Variants in PTPRN2 observed in about 807,000 individuals in gnomAD.
PTPRN2 encodes protein tyrosine phosphatase receptor type N2.
Under a neutral mutation model 118.8 loss-of-function variants are expected in PTPRN2, and 74 were observed. The ratio of observed to expected loss-of-function variants is 0.62; its 90% CI spans 0.52 to 0.76. PTPRN2 has a LOEUF of 0.76. Ranked by LOEUF, PTPRN2 falls within the 30% of genes least tolerant of loss-of-function variation. The pLI is 0.00. For missense variants in PTPRN2, 1,481 were observed against 1,394.4 expected, an observed-to-expected ratio of 1.06 and a Z score of -0.99; for synonymous variants, 641 against 608.0, an observed-to-expected ratio of 1.05 and a Z score of -0.80.
intron 3 of PTPRN2, among the ~76,000 whole-genome samples, chr7:158,238,410 A>C (rs1475008273): frequency 6.6e-6 from 1 of 152,126 alleles, no homozygotes; most frequent in African/African-American, 2.4e-5. Context: ...CGCGGGGCAC[A>C]GGAAGGAAGG....
intron 12 of PTPRN2, among the ~76,000 whole-genome samples, chr7:157,738,533 T>A (rs1441680074): frequency 6.6e-6 from 1 of 152,252 alleles, no homozygotes; most frequent in Non-Finnish European, 1.5e-5. Flanking sequence ...CCGGGTTGTT[T>A]GTGGTGCAGC....
intron 2 of PTPRN2, among the ~76,000 whole-genome samples, chr7:158,375,243 C>T (rs1488774223): frequency 6.6e-6 from 1 of 152,228 alleles, no homozygotes; most frequent in Non-Finnish European, 1.5e-5. Context: ...GGCAAGTGCC[C>T]ACAGGGCATC....
rs188737543 is a variant in PTPRN2, at chr7:158,109,957, C to T, written c.1643+872G>A. ...TCTGTGGGAGCCAGTGAGTGAATGA[C>T]GTCACCTGTGTGAAGAGTCACTGAG... On this transcript the variant is annotated intron_variant, in intron 10 of 22. Coordinates refer to ENST00000389418, the MANE Select transcript of PTPRN2 (RefSeq NM_002847.5). Among the ~76,000 whole-genome samples, 1,251 of 151,986 alleles carry T rather than the reference C, an allele frequency of 8.2e-3. 50 individuals carry two copies. Among genetic ancestry groups the T allele is most frequent in the Admixed American group, 0.057 (869 of 15,282 alleles).
intron 9 of PTPRN2, among the ~76,000 whole-genome samples, chr7:158,132,898 T>C (rs1278286542): frequency 6.6e-6 from 1 of 152,128 alleles, no homozygotes; most frequent in Non-Finnish European, 1.5e-5. Flanking sequence ...AACGTGTGGG[T>C]GTGTGTACAT....
chr7:158,269,584 G>A (rs909992804), intron 3 of PTPRN2, among the ~76,000 whole-genome samples: 3 of 152,198 alleles, frequency 2.0e-5, no homozygotes, highest in African/African-American at 7.2e-5. Context: ...GTGGGTAAAG[G>A]ATGCTTCAAG....
At chr7:157,700,244 T>G (rs1440220452) in intron 12 of PTPRN2, among the ~76,000 whole-genome samples, 2 of 152,176 alleles carry the variant, frequency 1.3e-5, no homozygotes, top group Non-Finnish European at 2.9e-5. Context: ...GAAACAAATC[T>G]GAAATATCAC....
chr7:157,941,640 G>A (rs954993633), intron 11 of PTPRN2, among the ~76,000 whole-genome samples: 3 of 152,204 alleles, frequency 2.0e-5, no homozygotes, highest in Admixed American at 6.5e-5. Flanking sequence ...AGGGACATAC[G>A]TCCATGCATG....
intron 2 of PTPRN2, among the ~76,000 whole-genome samples, chr7:158,444,473 C>T (rs1047871796): frequency 5.3e-5 from 8 of 152,224 alleles, no homozygotes; most frequent in Admixed American, 4.6e-4. Context: ...ATAAACCTGA[C>T]GCTGCCCTCC....
chr7:157,813,705 T>C lies in PTPRN2; in HGVS notation c.1788+84968A>G, dbSNP rs1806200718. 6.6e-6 allele frequency among the ~76,000 whole-genome samples: 1 copy of C among 151,900 alleles called. No homozygotes were observed. Among genetic ancestry groups the C allele is most frequent in the Admixed American group, 6.6e-5 (1 of 15,266 alleles). On this transcript the variant is annotated intron_variant, in intron 12 of 22. Transcript: ENST00000389418. The surrounding 1 kb of genome is among the most constrained non-coding windows in gnomAD (Gnocchi z 4.7). ...TCCACTGAGGAATGAGCATTGCTTT[T>C]TAATTAGCAGCTGCCCCGAGTGCTC...
chr7:157,997,332 C>T (rs952340468), intron 11 of PTPRN2, among the ~76,000 whole-genome samples: 4 of 152,264 alleles, frequency 2.6e-5, no homozygotes, highest in African/African-American at 9.6e-5. Flanking sequence ...GCAGGCCCCA[C>T]AGGGCAGGAC....
chr7:158,498,723 A>G (rs933012265), intron 1 of PTPRN2, among the ~76,000 whole-genome samples: 6 of 152,268 alleles, frequency 3.9e-5, no homozygotes, highest in Admixed American at 6.5e-5. Flanking sequence ...TCTGATGAAA[A>G]TCCTTGAACA....
chr7:158,145,740 T>A (rs1819896927), intron 6 of PTPRN2, among the ~76,000 whole-genome samples: 8 of 152,214 alleles, frequency 5.3e-5, no homozygotes, highest in Admixed American at 5.2e-4. Context: ...CTCACATTTC[T>A]TTTTCCATCA....
chr7:158,420,210 G>A (rs972020896), intron 2 of PTPRN2, among the ~76,000 whole-genome samples: 5 of 152,136 alleles, frequency 3.3e-5, no homozygotes, highest in African/African-American at 1.2e-4. Flanking sequence ...GCCTTACCCT[G>A]AACTCAGAGC....
intron 3 of PTPRN2, among the ~76,000 whole-genome samples, chr7:158,263,323 C>T (rs1379501233): frequency 6.6e-6 from 1 of 152,168 alleles, no homozygotes; most frequent in Non-Finnish European, 1.5e-5. Flanking sequence ...GTACACACAG[C>T]TGTACCTACT....
rs184894072 is a variant in PTPRN2, at chr7:157,801,340, C to T, written c.1788+97333G>A. Among the ~76,000 whole-genome samples the T allele has an allele frequency of 2.6e-4, 40 of 152,304 alleles. No individual in the cohort carries two copies. The East Asian group carries it at 7.2e-3, about 27-fold the overall frequency. On this transcript the variant is annotated intron_variant, in intron 12 of 22. Coordinates refer to ENST00000389418, the MANE Select transcript of PTPRN2 (RefSeq NM_002847.5). The surrounding 1 kb of genome is among the most constrained non-coding windows in gnomAD (Gnocchi z 4.2). ...GAGGCAGGATGAACGGCCTCATCCA[C>T]GGAGCACTGCTTTGCCGTCTCCAGA...
At chr7:158,569,537 G>A (rs1258270320) in intron 1 of PTPRN2, among the ~76,000 whole-genome samples, 1 of 152,214 alleles carries the variant, frequency 6.6e-6, no homozygotes, top group African/African-American at 2.4e-5. Context: ...CCTGCTCTCA[G>A]GGTCCTGCTG....
At chr7:157,566,519 C>T (rs1563218835) in intron 21 of PTPRN2, among the ~76,000 whole-genome samples, 2 of 152,140 alleles carry the variant, frequency 1.3e-5, no homozygotes, top group South Asian at 4.1e-4. Flanking sequence ...GCCTGGGACC[C>T]GGGTCAGGGA....
chr7:157,812,175 A>G (rs1164629977), intron 12 of PTPRN2, among the ~76,000 whole-genome samples: 3 of 152,136 alleles, frequency 2.0e-5, no homozygotes, highest in Admixed American at 6.5e-5. Context: ...AGGCAGGGGC[A>G]CCCCAACATC....
chr7:158,306,418 C>A (rs1801288966), intron 3 of PTPRN2, among the ~76,000 whole-genome samples: 1 of 152,178 alleles, frequency 6.6e-6, no homozygotes, highest in African/African-American at 2.4e-5. Flanking sequence ...GTGAAGGCTA[C>A]AACAGAGCTG....
Sources: gnomAD v4.1 joint callset for allele counts (sites outside exome capture counted in the v4.1 genomes callset) on GRCh38, gnomAD v4.1.1 for gene constraint, Gnocchi (gnomAD v3.1) non-coding constraint, MANE v1.5 for transcripts, NCBI Gene and HGNC (gene_info 2026-07-23, HGNC 2026-07-21) for gene names.